Variants in HOOK2 observed in about 807,000 individuals in gnomAD.
The protein encoded by HOOK2 is hook microtubule tethering protein 2.
HOOK2 carries 108 observed loss-of-function variants against 111.9 expected under a neutral mutation model. That is an observed-to-expected ratio of 0.96 (90% CI 0.83 to 1.13). HOOK2 has a LOEUF of 1.13. Ranked by LOEUF, HOOK2 falls within the 50% of genes most tolerant of loss-of-function variation. The pLI is 0.00. For missense variants in HOOK2, 978 were observed against 951.3 expected (o/e 1.03, Z -0.37); for synonymous variants, 405 against 394.3 (o/e 1.03, Z -0.32).
At chr19:12,777,027 C>G (rs1968535698), upstream of HOOK2, among the ~76,000 whole-genome samples, 1 of 151,322 alleles carries the variant, frequency 6.6e-6, no homozygotes, top group South Asian at 2.1e-4. Context: ...CATGGTGGCA[C>G]GCGCCTGTAG....
At chr19:12,779,901 G>C (rs558148697), upstream of HOOK2, among the ~76,000 whole-genome samples, 1 of 152,188 alleles carries the variant, frequency 6.6e-6, no homozygotes, top group African/African-American at 2.4e-5. Flanking sequence ...AGTAATCCCA[G>C]CACTTTGGGA....
At chr19:12,775,856 T>G (rs1968491945), upstream of HOOK2, among the ~76,000 whole-genome samples, 1 of 149,940 alleles carries the variant, frequency 6.7e-6, no homozygotes, top group African/African-American at 2.5e-5. Context: ...GTCTTTTCCC[T>G]GCAACTTAAG....
chr19:12,772,683 G>A lies in HOOK2; in HGVS notation c.389-3C>T. 6.2e-7 allele frequency: 1 copy of A among 1,614,214 alleles called. No homozygotes were observed. Among genetic ancestry groups the A allele is most frequent in the Non-Finnish European group, 8.5e-7 (1 of 1,180,008 alleles). On this transcript the variant is annotated splice_polypyrimidine_tract_variant and splice_region_variant and intron_variant, in intron 5 of 22. Coordinates refer to ENST00000397668, the MANE Select transcript of HOOK2 (RefSeq NM_013312.3). ...CGTCATGATTCTCTGGATGTGGTCT[G>A]GGGATCAAGGTGGGGGAGGCTGAGA...
upstream of HOOK2, among the ~76,000 whole-genome samples, chr19:12,782,310 A>C (rs1346720493): frequency 6.6e-6 from 1 of 152,220 alleles, no homozygotes; most frequent in East Asian, 1.9e-4. Flanking sequence ...GTTCGCTGCG[A>C]GGCTGGCTGG....
At chr19:12,776,993 T>C (rs1412979716), upstream of HOOK2, among the ~76,000 whole-genome samples, 2 of 150,258 alleles carry the variant, frequency 1.3e-5, no homozygotes, top group Non-Finnish European at 3.0e-5. Context: ...CCTTCTCTAC[T>C]AAAAATACAA....
At chr19:12,775,359 AGAG>A in intron 1 of HOOK2, 43 bp downstream of exon 1, 2 of 1,598,846 alleles carry the variant, frequency 1.3e-6, no homozygotes, top group South Asian at 2.3e-5. Flanking sequence ...ATCCCGGGCA[AGAG>A]GAGCGGGCGC....
At chr19:12,787,575 T>A (rs1429054946) in intron 3 of HOOK2, among the ~76,000 whole-genome samples, 1 of 151,474 alleles carries the variant, frequency 6.6e-6, no homozygotes, top group African/African-American at 2.4e-5. Flanking sequence ...GAGGTTGTAG[T>A]GAGCTGATAT....
At chr19:12,782,359 CT>C (rs1443434680), upstream of HOOK2, among the ~76,000 whole-genome samples, 1 of 152,232 alleles carries the variant, frequency 6.6e-6, no homozygotes, top group African/African-American at 2.4e-5. Context: ...CAGGTGTATC[CT>C]GCGTCCGTGT....
chr19:12,767,703 C>A lies in HOOK2; in HGVS notation c.1303+113G>T, dbSNP rs187884338. ...TGACCGTGTCACCTCTTTCTGGTCACCTCCAGCCTGGCCTAGCTCTGTCCC... is the reference window on the plus strand; with the variant it reads ...TGACCGTGTCACCTCTTTCTGGTCAACTCCAGCCTGGCCTAGCTCTGTCCC... On this transcript the variant is annotated intron_variant, in intron 13 of 22. Coordinates refer to ENST00000397668, the MANE Select transcript of HOOK2 (RefSeq NM_013312.3). 1.2e-3 allele frequency: 1,264 copies of A among 1,029,314 alleles called. 12 individuals carry two copies. The African/African-American group carries it at 0.016, about 13-fold the overall frequency. 63.8% of individuals were successfully genotyped at this position (1,029,314 alleles called of 1,614,324 possible).
Position 12,772,246 on chromosome 19 carries a change from T to G in HOOK2, c.463A>C (p.Thr155Pro), listed in dbSNP as rs1968359570. The G allele has an allele frequency of 2.5e-6, 4 of 1,613,894 alleles. No homozygotes were observed. The highest frequency in any genetic ancestry group is 3.4e-6 in the Non-Finnish European group (4 of 1,179,906). ...VVMEAIQELM[T>P]KDTPDSLSPE... ...GACAGGGAGTCAGGAGTGTCTTTGGTCATGAGCTGAGGAGTGGGAAGGGGC... is the reference window on the plus strand; with the variant it reads ...GACAGGGAGTCAGGAGTGTCTTTGGGCATGAGCTGAGGAGTGGGAAGGGGC... The change falls in exon 7 of 23, where the codon ACC becomes CCC. Residue 155 changes from threonine to proline, a missense_variant. By Grantham distance (38) the Thr-to-Pro change is conservative. Transcript: ENST00000397668.
At chr19:12,771,375 C>G in intron 8 of HOOK2, 22 bp downstream of exon 8, 1 of 1,610,988 alleles carries the variant, frequency 6.2e-7, no homozygotes, top group Non-Finnish European at 8.5e-7. Flanking sequence ...CTCAAGTGAC[C>G]CTGCCCCACC....
chr19:12,785,472 C>T (rs1355762352), intron 3 of HOOK2, among the ~76,000 whole-genome samples: 2 of 152,228 alleles, frequency 1.3e-5, no homozygotes, highest in South Asian at 2.1e-4. Flanking sequence ...AGCCACAGAC[C>T]ACACACACAA....
At chr19:12,767,304 G>A (rs1406106265) in intron 14 of HOOK2, 91 bp downstream of exon 14, 1 of 1,105,620 alleles carries the variant, frequency 9.0e-7, no homozygotes, top group East Asian at 2.4e-5. Context: ...AAGCAACCGG[G>A]GCTAGCAGAA....
rs968196415 is a variant in HOOK2 at position 12,769,879 on chromosome 19, A to T, written c.1104+2T>A. 2.1e-6 allele frequency: 3 copies of T among 1,443,554 alleles called. No homozygotes were observed. Among genetic ancestry groups the T allele is most frequent in the East Asian group, 2.9e-5 (1 of 34,414 alleles). The allele number at this position is 1,443,554 out of a possible 1,614,324, so 89.4% of individuals were successfully genotyped here. ...CCGGCCCTAACCCCGCCCCCGCCGC[A>T]CCTGCCGCCGCTGCGCCTCCAGCTG... On this transcript the variant is annotated splice_donor_variant, in intron 11 of 22. Coordinates refer to ENST00000397668, the MANE Select transcript of HOOK2 (RefSeq NM_013312.3). LOFTEE classifies it high-confidence loss of function.
At position 12,767,893 on chromosome 19, in the gene HOOK2, G is replaced by A. The variant is rs75506421; in HGVS notation, c.1226C>T (p.Ala409Val). The A allele has an allele frequency of 2.3e-5, 37 of 1,609,744 alleles. No individual in the cohort carries two copies. Among genetic ancestry groups the A allele is most frequent in the Admixed American group, 3.3e-5 (2 of 59,942 alleles). The change falls in exon 13 of 23, where the codon GCG (alanine) becomes GTG (valine). Residue 409 changes from alanine to valine, a missense_variant. Around this residue, in one of 5 missense-constraint regions of HOOK2, gnomAD observed 388 missense variants for 358.3 expected, o/e 1.08. Coordinates refer to ENST00000397668, the MANE Select transcript of HOOK2 (RefSeq NM_013312.3). Reference protein sequence around the residue: ...SVTKEKERLLAERDSLREANE... With the variant: ...SVTKEKERLLVERDSLREANE... ...GGCCTCCCGCAAGGAGTCCCGCTCC[G>A]CCAACAGCCGCTGCAGGGACAGGGT...
chr19:12,765,628 G>C, intron 18 of HOOK2, 62 bp downstream of exon 18: 1 of 1,598,256 alleles, frequency 6.3e-7, no homozygotes, highest in African/African-American at 1.3e-5. Flanking sequence ...ACATGCCTAA[G>C]AAACTCCCCA....
At chr19:12,777,504 C>T (rs1209425279), upstream of HOOK2, among the ~76,000 whole-genome samples, 1 of 152,126 alleles carries the variant, frequency 6.6e-6, no homozygotes, top group Non-Finnish European at 1.5e-5. Context: ...ATGAATGGAT[C>T]CTCCCTGCAT....
At chr19:12,765,481 C>G in intron 18 of HOOK2, 1 of 657,398 alleles carries the variant, frequency 1.5e-6, no homozygotes, top group Admixed American at 2.6e-5. Flanking sequence ...GGCGCGGTGG[C>G]TCATGCCTGT....
At chr19:12,775,101 C>G in intron 1 of HOOK2, 1 of 844,348 alleles carries the variant, frequency 1.2e-6, no homozygotes, top group African/African-American at 1.8e-5. Context: ...ACAAACCCTG[C>G]GCGTCCAGGC....
Sources: allele counts gnomAD v4.1 joint callset (sites outside exome capture counted in the v4.1 genomes callset), GRCh38; gene constraint gnomAD v4.1.1; regional missense constraint gnomAD v4.1.1; transcripts MANE v1.5; gene names NCBI Gene and HGNC (gene_info 2026-07-23, HGNC 2026-07-21).